Variants in SFI1 observed in about 807,000 individuals in gnomAD.
SFI1 encodes SFI1 centrin binding protein, also known as protein SFI1 homolog.
Under a neutral mutation model 207.5 loss-of-function variants are expected in SFI1, and 195 were observed. The ratio of observed to expected loss-of-function variants is 0.94; its 90% CI spans 0.84 to 1.06. SFI1 has a LOEUF of 1.06. SFI1 is among the 50% of genes least tolerant of loss of function. The probability of loss-of-function intolerance (pLI) is 0.00; values close to 1 mark genes in which losing one functional copy is unlikely to be tolerated. For missense variants in SFI1, 1,634 were observed against 1,588.0 expected (o/e 1.03, Z -0.49); for synonymous variants, 630 against 598.9 (o/e 1.05, Z -0.76).
At position 31,591,299 on chromosome 22, in the gene SFI1, A is replaced by T. The variant is rs559231303; in HGVS notation, c.1544+1722A>T. On this transcript the variant is annotated intron_variant, in intron 15 of 32. Coordinates refer to ENST00000400288, the MANE Select transcript of SFI1 (RefSeq NM_001007467.3). ...AGGGTTGGGGGTAAGGTCACAGATC[A>T]ACAGGATCCCAAGGCAGAGGAATTT... is the stretch of plus-strand genomic sequence containing the variant. 2.6e-5 allele frequency among the ~76,000 whole-genome samples: 4 copies of T among 152,276 alleles called. No individual in the cohort carries two copies. In the South Asian group the frequency reaches 8.3e-4, roughly 32 times the overall value.
At chr22:31,577,862 G>A (rs2063696648) in intron 10 of SFI1, 1 of 152,668 alleles carries the variant, frequency 6.6e-6, no homozygotes, top group Admixed American at 6.5e-5. Flanking sequence ...TAAGGGACGA[G>A]TTGGATGAAC....
intron 15 of SFI1, among the ~76,000 whole-genome samples, chr22:31,590,130 C>T (rs2065649887): frequency 1.3e-5 from 2 of 150,642 alleles, no homozygotes; most frequent in African/African-American, 4.9e-5. Flanking sequence ...TTTTGTTCTA[C>T]TCAGGCCCTC....
intron 6 of SFI1, among the ~76,000 whole-genome samples, chr22:31,554,604 AG>A (rs2060981577): frequency 1.2e-5 from 1 of 82,650 alleles, no homozygotes; most frequent in Non-Finnish European, 2.2e-5. Flanking sequence ...CACTGCGCCC[AG>A]CCTTTTTTTT....
chr22:31,565,523 C>T (rs1216114163), intron 8 of SFI1, among the ~76,000 whole-genome samples: 1 of 143,740 alleles, frequency 7.0e-6, no homozygotes, highest in East Asian at 2.2e-4. Context: ...ATAGTGAGAC[C>T]CCATCTCTAC....
intron 22 of SFI1, 148 bp from the exon 23 acceptor site, chr22:31,610,995 A>G (rs2070008642): frequency 1.9e-6 from 2 of 1,030,394 alleles, no homozygotes; most frequent in South Asian, 2.9e-5. Context: ...GAGAGGGGCC[A>G]TGGTCCATGT....
intron 6 of SFI1, among the ~76,000 whole-genome samples, chr22:31,551,022 A>C (rs999414133): frequency 2.0e-5 from 3 of 152,124 alleles, no homozygotes; most frequent in African/African-American, 4.8e-5. Context: ...GCCTCATGTC[A>C]TCACTTACCT....
At position 31,585,455 on chromosome 22, in the gene SFI1, G is replaced by A. The variant is rs1282857826; in HGVS notation, c.1413+321G>A. 2.6e-5 allele frequency among the ~76,000 whole-genome samples: 4 copies of A among 152,180 alleles called. No homozygotes were observed. In the East Asian group the frequency reaches 7.7e-4, roughly 29 times the overall value. Reference sequence around the variant, plus strand: ...CTTCACCCAGTGGGACCTGCAAGAGGTACAGGGAGAGGTGCAGAGCATAAG... The same window carrying A: ...CTTCACCCAGTGGGACCTGCAAGAGATACAGGGAGAGGTGCAGAGCATAAG... On this transcript the variant is annotated intron_variant, in intron 14 of 32. Coordinates refer to ENST00000400288, the MANE Select transcript of SFI1 (RefSeq NM_001007467.3).
In SFI1 at chr22:31,586,158, G is replaced by T. The variant is rs145924769; in HGVS notation, c.1413+1024G>T. 6.6e-5 allele frequency among the ~76,000 whole-genome samples: 10 copies of T among 152,192 alleles called. No individual in the cohort carries two copies. The East Asian group carries it at 1.7e-3, about 26-fold the overall frequency. The stretch of plus-strand genomic sequence containing the variant: ...GTTAAGCTGCCAGTGGTTCCCTAAA[G>T]GTCCTCTGTGCCCTCCTGCTTCTCT... On this transcript the variant is annotated intron_variant, in intron 14 of 32. Transcript: ENST00000400288.
intron 11 of SFI1, among the ~76,000 whole-genome samples, chr22:31,579,636 C>T (rs1158940302): frequency 6.6e-6 from 1 of 152,076 alleles, no homozygotes; most frequent in Non-Finnish European, 1.5e-5. Flanking sequence ...TTTTTTTATA[C>T]AGACGGAGTC....
rs1248094519 is a variant in SFI1 at position 31,582,204 on chromosome 22, TTTTATATATA to T, written c.1249-1669_1249-1660del. Among the ~76,000 whole-genome samples, 27 of 16,002 alleles carry T rather than the reference TTTTATATATA, an allele frequency of 1.7e-3. 3 individuals carry two copies. Among genetic ancestry groups the T allele is most frequent in the South Asian group, 8.7e-3 (3 of 344 alleles). 10.5% of individuals were successfully genotyped at this position (16,002 alleles called of 152,430 possible). On this transcript the variant is annotated intron_variant, in intron 12 of 32. Transcript: ENST00000400288. Reference sequence around the variant, plus strand: ...CCCCCAACAACACTTCTTTATTACATTTTATATATATATATATATATATATATATATATTT... The same window carrying T: ...CCCCCAACAACACTTCTTTATTACATTATATATATATATATATATATATTT...
rs2072243922 is a variant in SFI1, at chr22:31,618,542, C to G, written c.*124C>G. Reference sequence around the variant, plus strand: ...AAATGCTTTGCAATTAAATGAATTACTGTTCAGAAGTCTCCCACTTTTCAT... The same window carrying G: ...AAATGCTTTGCAATTAAATGAATTAGTGTTCAGAAGTCTCCCACTTTTCAT... On this transcript the variant is annotated 3_prime_UTR_variant, in exon 33 of 33. Coordinates refer to ENST00000400288, the MANE Select transcript of SFI1 (RefSeq NM_001007467.3). 2.4e-5 allele frequency: 25 copies of G among 1,027,666 alleles called. No homozygotes were observed. The highest frequency in any genetic ancestry group is 3.3e-5 in the Non-Finnish European group (25 of 747,476). The allele number at this position is 1,027,666 out of a possible 1,614,324, so 63.7% of individuals were successfully genotyped here.
chr22:31,585,587 A>C (rs980502730), intron 14 of SFI1, among the ~76,000 whole-genome samples: 1 of 152,208 alleles, frequency 6.6e-6, no homozygotes, highest in Admixed American at 6.5e-5. Flanking sequence ...GATAGATTCA[A>C]TTCCATTTAA....
chr22:31,530,944 C>A, intron 3 of SFI1, 114 bp from the exon 4 acceptor site: 1 of 775,714 alleles, frequency 1.3e-6, no homozygotes, highest in South Asian at 1.7e-5. Flanking sequence ...CCTTTTGATT[C>A]ATACTAACAT....
chr22:31,537,564 T>A (rs2059111667), intron 4 of SFI1, among the ~76,000 whole-genome samples: 1 of 152,212 alleles, frequency 6.6e-6, no homozygotes, highest in East Asian at 1.9e-4. Flanking sequence ...TAAGGAGACC[T>A]GAGCTTCGGT....
chr22:31,574,493 A>G (rs893070236), intron 9 of SFI1, among the ~76,000 whole-genome samples: 8 of 152,248 alleles, frequency 5.3e-5, no homozygotes, highest in African/African-American at 1.9e-4. Context: ...AGCTCAAAAA[A>G]GCCTATGCCA....
At chr22:31,618,080 C>A in intron 31 of SFI1, 35 bp from the exon 32 acceptor site, 1 of 1,546,274 alleles carries the variant, frequency 6.5e-7, no homozygotes, top group South Asian at 1.2e-5. Flanking sequence ...GCCAAGGACC[C>A]AGCCTGGCAG....
In SFI1 at chr22:31,528,760, T is replaced by C; in HGVS notation, c.163T>C (p.Ser55Pro). The change falls in exon 3 of 33, where the codon TCC becomes CCC. Residue 55 changes from serine (S) to proline (P), a missense_variant. Ser to Pro is a moderately conservative substitution (Grantham distance 74). Transcript: ENST00000400288. ...ACTGTCCAACAAGAAGTCTTCTGCA[T>C]CCTTTGGGATCCGGAGGGAGTTACC... ...KTLSNKKSSASFGIRRELPST... is the reference protein window; with the variant it reads ...KTLSNKKSSAPFGIRRELPST... The C allele has an allele frequency of 6.2e-7, 1 of 1,614,214 alleles. No individual in the cohort carries two copies. Among genetic ancestry groups the C allele is most frequent in the Non-Finnish European group, 8.5e-7 (1 of 1,180,028 alleles).
intron 14 of SFI1, chr22:31,587,629 C>T (rs2065216323): frequency 6.5e-6 from 1 of 154,846 alleles, no homozygotes; most frequent in African/African-American, 2.4e-5. Context: ...ATATAAGATA[C>T]TTGAGTATCC....
intron 17 of SFI1, 98 bp from the exon 18 acceptor site, chr22:31,603,646 A>G (rs1432985935): frequency 9.6e-7 from 1 of 1,044,018 alleles, no homozygotes; most frequent in Non-Finnish European, 1.3e-6. Flanking sequence ...TCCCCCAAAA[A>G]CTTAACCAGG....
Sources: allele counts gnomAD v4.1 joint callset (sites outside exome capture counted in the v4.1 genomes callset), GRCh38; gene constraint gnomAD v4.1.1; transcripts MANE v1.5; gene names NCBI Gene and HGNC (gene_info 2026-07-23, HGNC 2026-07-21).